ST6GAL1: variants seen among roughly 807,000 people sequenced by gnomAD.
ST6GAL1 encodes ST6 beta-galactoside alpha-2,6-sialyltransferase 1.
Under a neutral mutation model 38.0 loss-of-function variants are expected in ST6GAL1, and 20 were observed. The observed-to-expected ratio is 0.53, with a 90% CI of 0.37 to 0.77. The LOEUF is 0.77. Among genes scored for constraint, ST6GAL1 ranks in the 30% least tolerant of loss-of-function variants. The pLI is 0.00. For synonymous variants in ST6GAL1, 196 were observed against 188.2 expected, an observed-to-expected ratio of 1.04 and a Z score of -0.34; for missense variants, 432 against 496.4, an observed-to-expected ratio of 0.87 and a Z score of 1.23.
At chr3:186,983,805 C>T (rs73069470) in intron 2 of ST6GAL1, among the ~76,000 whole-genome samples, 3,110 of 152,066 alleles carry the variant, frequency 0.02, 100 homozygotes, top group African/African-American at 0.067. Context: ...GTTAGGTTTA[C>T]GCCCAGGAAT....
chr3:186,979,927 A>G (rs1329302890), intron 2 of ST6GAL1, among the ~76,000 whole-genome samples: 1 of 152,146 alleles, frequency 6.6e-6, no homozygotes, highest in Non-Finnish European at 1.5e-5. Context: ...TACTGTTGAG[A>G]GCTTACTATG....
chr3:187,033,011 G>A (rs750663005), intron 2 of ST6GAL1, among the ~76,000 whole-genome samples: 1 of 152,224 alleles, frequency 6.6e-6, no homozygotes, highest in Non-Finnish European at 1.5e-5. Context: ...GACAGGCCTT[G>A]CAGCCAGGTT....
chr3:186,979,896 T>A (rs564042837), intron 2 of ST6GAL1, among the ~76,000 whole-genome samples: 1 of 152,290 alleles, frequency 6.6e-6, no homozygotes, highest in Non-Finnish European at 1.5e-5. Context: ...ATAGCACCAA[T>A]CAGGTCAGTG....
At chr3:187,001,940 A>C (rs1716631825) in intron 2 of ST6GAL1, among the ~76,000 whole-genome samples, 1 of 143,228 alleles carries the variant, frequency 7.0e-6, no homozygotes, top group African/African-American at 2.6e-5. Flanking sequence ...TGGACAACAG[A>C]GTGAGACTTT....
chr3:187,011,080 C>A (rs1320275158), intron 2 of ST6GAL1, among the ~76,000 whole-genome samples: 22 of 152,296 alleles, frequency 1.4e-4, no homozygotes, highest in East Asian at 5.8e-4. Flanking sequence ...AACAGTGTGA[C>A]CTCTGCTTCC....
intron 1 of ST6GAL1, among the ~76,000 whole-genome samples, chr3:186,935,807 G>A (rs1713931538): frequency 1.3e-5 from 2 of 152,132 alleles, no homozygotes; most frequent in Admixed American, 1.3e-4. Flanking sequence ...ACAAAGAGGT[G>A]TAAAGCAAGG....
intron 5 of ST6GAL1, among the ~76,000 whole-genome samples, chr3:187,061,390 T>C (rs1273523410): frequency 1.3e-5 from 2 of 152,192 alleles, no homozygotes; most frequent in African/African-American, 4.8e-5. Flanking sequence ...CTAAAATTTA[T>C]ATGAAACCTC....
chr3:186,943,691 G>T (rs9860975), intron 1 of ST6GAL1, among the ~76,000 whole-genome samples: 1,618 of 152,098 alleles, frequency 0.011, 27 homozygotes, highest in African/African-American at 0.036. Context: ...CTCGTGATCC[G>T]CCCGCCTCAG....
chr3:187,034,583 T>C (rs755686306), intron 2 of ST6GAL1, among the ~76,000 whole-genome samples: 4 of 152,150 alleles, frequency 2.6e-5, no homozygotes, highest in Non-Finnish European at 4.4e-5. Flanking sequence ...ATTCCTGGGA[T>C]GGAAGGTTGG....
Position 187,076,722 on chromosome 3 carries a change from T to G in ST6GAL1, c.*919T>G, listed in dbSNP as rs9819341. 14,883 of 397,892 alleles carry G rather than the reference T, an allele frequency of 0.037. 1,343 individuals are homozygous for G. The highest frequency in any genetic ancestry group is 0.22 in the African/African-American group (10,656 of 48,668). The allele number at this position is 397,892 out of a possible 1,614,324, so 24.6% of individuals were successfully genotyped here. On this transcript the variant is annotated 3_prime_UTR_variant, in exon 8 of 8. Transcript: ENST00000169298. ...TACATCTGAGCCGTTTGAATTGTGT[T>G]TTTCTTTCTTCCCATGTTTATTTTC... is the stretch of plus-strand genomic sequence containing the variant.
intron 4 of ST6GAL1, among the ~76,000 whole-genome samples, chr3:187,046,027 A>C (rs1025432102): frequency 1.3e-5 from 2 of 152,204 alleles, no homozygotes; most frequent in Non-Finnish European, 2.9e-5. Flanking sequence ...TCTTTAAGCC[A>C]TGGAGAGCCC....
intron 5 of ST6GAL1, chr3:187,064,713 T>C (rs1719038088): frequency 1.4e-5 from 6 of 442,264 alleles, no homozygotes; most frequent in Admixed American, 1.2e-4. Flanking sequence ...ACAGCACTTG[T>C]GGTGGTACTG....
chr3:186,993,724 T>G (rs1025668742), intron 2 of ST6GAL1, among the ~76,000 whole-genome samples: 1 of 152,102 alleles, frequency 6.6e-6, no homozygotes, highest in Non-Finnish European at 1.5e-5. Flanking sequence ...AGATTTGAAT[T>G]TTGGTTTTGT....
intron 1 of ST6GAL1, among the ~76,000 whole-genome samples, chr3:186,933,275 C>T (rs1027584801): frequency 1.3e-5 from 2 of 152,148 alleles, no homozygotes; most frequent in African/African-American, 2.4e-5. Context: ...ATAAAAGGCC[C>T]CTGACCCAGC....
chr3:186,946,580 C>T (rs1251971610), intron 1 of ST6GAL1, among the ~76,000 whole-genome samples: 4 of 152,112 alleles, frequency 2.6e-5, no homozygotes, highest in Admixed American at 2.0e-4. Flanking sequence ...CCCCATCTAT[C>T]CTTTCACGCA....
intron 2 of ST6GAL1, among the ~76,000 whole-genome samples, chr3:186,966,957 C>T (rs1319221156): frequency 6.6e-6 from 1 of 152,188 alleles, no homozygotes; most frequent in African/African-American, 2.4e-5. Flanking sequence ...TACTATGTGC[C>T]CTGCCAAATA....
chr3:186,946,910 T>A (rs1714390821), intron 1 of ST6GAL1, among the ~76,000 whole-genome samples: 1 of 152,028 alleles, frequency 6.6e-6, no homozygotes, highest in African/African-American at 2.4e-5. Flanking sequence ...CAAAATACGT[T>A]ATCAATCAGA....
intron 2 of ST6GAL1, among the ~76,000 whole-genome samples, chr3:187,035,062 T>C (rs969993790): frequency 6.6e-6 from 1 of 152,202 alleles, no homozygotes; most frequent in Non-Finnish European, 1.5e-5. Flanking sequence ...AGTTTCAGGA[T>C]ACAAAACCAG....
At chr3:186,948,673 C>G (rs16861329) in intron 1 of ST6GAL1, 1 of 152,326 alleles carries the variant, frequency 6.6e-6, no homozygotes, top group East Asian at 1.9e-4. Context: ...ATACCAACAC[C>G]TTTGGCTCAG....
Sources: allele counts gnomAD v4.1 joint callset (sites outside exome capture counted in the v4.1 genomes callset), GRCh38; gene constraint gnomAD v4.1.1; transcripts MANE v1.5; gene names NCBI Gene and HGNC (gene_info 2026-07-23, HGNC 2026-07-21).